The following KHDRBS2 variants were observed in gnomAD, a reference collection of about 807,000 sequenced individuals.
The protein encoded by KHDRBS2 is KH RNA binding domain containing, signal transduction associated 2, also known as KH domain-containing, RNA-binding, signal transduction-associated protein 2.
Under a neutral mutation model 44.3 loss-of-function variants are expected in KHDRBS2, and 26 were observed. That is an observed-to-expected ratio of 0.59 (90% CI 0.43 to 0.81). The LOEUF is 0.81. Ranked by LOEUF, KHDRBS2 falls within the 40% of genes least tolerant of loss-of-function variation. The pLI is 0.00. For synonymous variants in KHDRBS2, 194 were observed against 151.1 expected (o/e 1.28, Z -2.08); for missense variants, 476 against 433.1 (o/e 1.10, Z -0.88).
intron 2 of KHDRBS2, among the ~76,000 whole-genome samples, chr6:62,130,515 T>C (rs1431033119): frequency 6.6e-6 from 1 of 152,122 alleles, no homozygotes; most frequent in African/African-American, 2.4e-5. Context: ...AAGATAACAA[T>C]TGTTAATGAG....
chr6:62,065,023 C>G (rs539590806), intron 2 of KHDRBS2, among the ~76,000 whole-genome samples: 197 of 152,240 alleles, frequency 1.3e-3, no homozygotes, highest in Admixed American at 3.1e-3. Context: ...CAAAAAAACA[C>G]ATGAAAAAAT....
intron 6 of KHDRBS2, among the ~76,000 whole-genome samples, chr6:61,872,563 A>G (rs750667830): frequency 1.3e-4 from 20 of 152,156 alleles, no homozygotes; most frequent in Admixed American, 6.5e-4. Context: ...AAAGATGTGA[A>G]AGGTATGTAG....
chr6:61,868,551 G>A (rs1353217354), intron 6 of KHDRBS2, among the ~76,000 whole-genome samples: 2 of 152,222 alleles, frequency 1.3e-5, no homozygotes. Flanking sequence ...CCAGTGAGGA[G>A]GAATGGATTG....
the KHDRBS2 span, among the ~76,000 whole-genome samples, chr6:61,642,520 G>A: frequency 2.7e-5 from 4 of 150,770 alleles, no homozygotes; most frequent in African/African-American, 7.3e-5. Context: ...AGGTTAGCCG[G>A]GCATGGTGGA....
intron 6 of KHDRBS2, among the ~76,000 whole-genome samples, chr6:61,794,508 T>C (rs978625125): frequency 6.6e-6 from 1 of 152,186 alleles, no homozygotes; most frequent in African/African-American, 2.4e-5. Flanking sequence ...ATTTTAAAAG[T>C]AATAGGTTTT....
intron 2 of KHDRBS2, among the ~76,000 whole-genome samples, chr6:62,067,403 G>T (rs1793982184): frequency 6.6e-6 from 1 of 151,306 alleles, no homozygotes. Context: ...AAGACAATAG[G>T]CTCTGTCCAA....
chr6:62,031,785 C>A (rs1006441917), intron 3 of KHDRBS2, among the ~76,000 whole-genome samples: 3 of 152,014 alleles, frequency 2.0e-5, no homozygotes, highest in African/African-American at 7.2e-5. Flanking sequence ...TACTTCTGCA[C>A]CCACTTGGGG....
At chr6:61,983,654 A>G (rs1430600527) in intron 3 of KHDRBS2, among the ~76,000 whole-genome samples, 1 of 152,106 alleles carries the variant, frequency 6.6e-6, no homozygotes, top group Admixed American at 6.6e-5. Context: ...TATGTTAATA[A>G]AAAACTCCAG....
intron 2 of KHDRBS2, among the ~76,000 whole-genome samples, chr6:62,166,293 C>T (rs1201046483): frequency 1.3e-5 from 2 of 151,950 alleles, no homozygotes; most frequent in African/African-American, 2.4e-5. Context: ...AACACTAATG[C>T]TCAACACTTG....
chr6:61,930,986 T>G (rs1185346932), intron 4 of KHDRBS2, among the ~76,000 whole-genome samples: 1 of 152,106 alleles, frequency 6.6e-6, no homozygotes, highest in Non-Finnish European at 1.5e-5. Flanking sequence ...AATTTTTGTT[T>G]CAAATAAGCA....
chr6:61,719,190 A>T (rs1182628470), intron 7 of KHDRBS2, among the ~76,000 whole-genome samples: 2 of 152,318 alleles, frequency 1.3e-5, no homozygotes, highest in East Asian at 3.9e-4. Flanking sequence ...AAAATTTTAC[A>T]TTGGAAGATT....
chr6:62,187,530 G>A (rs1405590591), intron 1 of KHDRBS2, among the ~76,000 whole-genome samples: 1 of 152,050 alleles, frequency 6.6e-6, no homozygotes, highest in Non-Finnish European at 1.5e-5. Flanking sequence ...TTTTACTAAT[G>A]TAAGTTTATA....
At chr6:61,545,874 G>A in the KHDRBS2 span, among the ~76,000 whole-genome samples, 7 of 152,064 alleles carry the variant, frequency 4.6e-5, no homozygotes, top group African/African-American at 1.7e-4. Context: ...GAAAAGCCAG[G>A]TAAGCACAGA....
chr6:62,220,075 T>C (rs1170332035), intron 1 of KHDRBS2, among the ~76,000 whole-genome samples: 1 of 151,358 alleles, frequency 6.6e-6, no homozygotes, highest in African/African-American at 2.4e-5. Flanking sequence ...GGGAGGAGCA[T>C]GAGATGGACT....
chr6:61,985,820 T>C (rs1028503543), intron 3 of KHDRBS2, among the ~76,000 whole-genome samples: 1 of 152,164 alleles, frequency 6.6e-6, no homozygotes, highest in Non-Finnish European at 1.5e-5. Flanking sequence ...ACTTCAGTAT[T>C]AGAAAATACT....
At chr6:62,072,025 G>C (rs1161247274) in intron 2 of KHDRBS2, among the ~76,000 whole-genome samples, 2 of 152,086 alleles carry the variant, frequency 1.3e-5, no homozygotes, top group Non-Finnish European at 2.9e-5. Flanking sequence ...CTTGAGCAGT[G>C]GTTTGTAGTT....
intron 2 of KHDRBS2, among the ~76,000 whole-genome samples, chr6:62,173,766 T>C (rs1255479280): frequency 2.2e-4 from 34 of 151,974 alleles, no homozygotes; most frequent in Non-Finnish European, 2.9e-5. Context: ...GCTTAACATA[T>C]GCAAATCAAT....
At chr6:61,920,358 G>A (rs1807839347) in intron 4 of KHDRBS2, among the ~76,000 whole-genome samples, 1 of 151,884 alleles carries the variant, frequency 6.6e-6, no homozygotes, top group Non-Finnish European at 1.5e-5. Context: ...GATTAAACAT[G>A]TAAATTGCTC....
the KHDRBS2 span, among the ~76,000 whole-genome samples, chr6:61,555,642 C>T: frequency 1.3e-5 from 2 of 152,200 alleles, no homozygotes; most frequent in Admixed American, 1.3e-4. Context: ...TAGGCTGATG[C>T]TCCTTCAACT....
Sources: gnomAD v4.1 joint callset for allele counts (sites outside exome capture counted in the v4.1 genomes callset) on GRCh38, gnomAD v4.1.1 for gene constraint, MANE v1.5 for transcripts, NCBI Gene and HGNC (gene_info 2026-07-23, HGNC 2026-07-21) for gene names.